The following RBFOX1 variants were observed in gnomAD, a reference collection of about 807,000 sequenced individuals.
RBFOX1 encodes the protein RNA binding fox-1 homolog 1, also known as RNA binding protein fox-1 homolog 1.
A neutral mutation model predicts 57.7 loss-of-function variants in RBFOX1; 8 were observed. The observed-to-expected ratio is 0.14, with a 90% confidence interval of 0.08 to 0.25. RBFOX1 has a LOEUF of 0.25. Ranked by LOEUF, RBFOX1 falls within the 10% of genes least tolerant of loss-of-function variation. RBFOX1 has a pLI of 1.00. For missense variants in RBFOX1, 611 were observed against 548.5 expected, an observed-to-expected ratio of 1.11 and a Z score of -1.14; for synonymous variants, 326 against 222.4, an observed-to-expected ratio of 1.47 and a Z score of -4.15.
At chr16:7,162,242 C>G (rs758600232) in intron 4 of RBFOX1, among the ~76,000 whole-genome samples, 14 of 152,166 alleles carry the variant, frequency 9.2e-5, no homozygotes, top group Non-Finnish European at 2.1e-4. Flanking sequence ...TATCTGTCCA[C>G]TCATCCATCA....
At chr16:7,517,312 C>G (rs1314037233) in intron 4 of RBFOX1, among the ~76,000 whole-genome samples, 2 of 151,924 alleles carry the variant, frequency 1.3e-5, no homozygotes, top group Non-Finnish European at 1.5e-5. Flanking sequence ...AATTGTCACA[C>G]TGCCTGTTTT....
intron 2 of RBFOX1, among the ~76,000 whole-genome samples, chr16:6,413,216 G>A (rs1596840977): frequency 1.3e-5 from 2 of 151,948 alleles, no homozygotes; most frequent in East Asian, 1.9e-4. Context: ...AGACTTGGGC[G>A]GCTGAGGCAT....
chr16:6,781,943 G>T (rs67619419), intron 3 of RBFOX1, among the ~76,000 whole-genome samples: 49,428 of 151,950 alleles, frequency 0.33, 8,694 homozygotes, highest in East Asian at 0.42. Flanking sequence ...CTAGTTTTGG[G>T]TTTAGCCTGC....
intron 14 of RBFOX1, among the ~76,000 whole-genome samples, chr16:7,689,740 G>A (rs973882983): frequency 1.3e-5 from 2 of 152,002 alleles, no homozygotes; most frequent in African/African-American, 4.8e-5. Context: ...CCCAAGCAAG[G>A]ATGATCTTGA....
rs553182505 is a variant in RBFOX1, at chr16:5,547,870, C to T, written c.259-51032C>T. Among the ~76,000 whole-genome samples the T allele has an allele frequency of 9.9e-5, 15 of 152,018 alleles. No homozygotes were observed. In the South Asian group the frequency reaches 3.1e-3, roughly 32 times the overall value. ...TGGGTACACATGGACGTAAAGATGG[C>T]AACCATAGGCCAGGCACGGTGGCTC... On this transcript the variant is annotated intron_variant, in intron 2 of 2. Transcript: ENST00000585867.
At chr16:6,148,815 G>T (rs2096777495) in intron 1 of RBFOX1, among the ~76,000 whole-genome samples, 2 of 152,176 alleles carry the variant, frequency 1.3e-5, no homozygotes, top group African/African-American at 4.8e-5. Context: ...TTTCCCTAGA[G>T]ATTTGAAGTA....
chr16:5,564,335 ACT>A (rs1567234930), intron 2 of RBFOX1, among the ~76,000 whole-genome samples: 1 of 150,822 alleles, frequency 6.6e-6, no homozygotes, highest in African/African-American at 2.4e-5. Context: ...GAGTTTCTTT[ACT>A]CTTCTGTCAT....
intron 3 of RBFOX1, among the ~76,000 whole-genome samples, chr16:7,023,264 G>A (rs768355423): frequency 6.6e-6 from 1 of 151,916 alleles, no homozygotes; most frequent in Non-Finnish European, 1.5e-5. Context: ...ATTGCCTGAG[G>A]TCAGGAGTCC....
rs540079691 is a variant in RBFOX1, at chr16:6,139,517, C to A, written c.-127+119525C>A. Among the ~76,000 whole-genome samples the A allele has an allele frequency of 9.2e-5, 14 of 152,250 alleles. 1 individual carries two copies. Among genetic ancestry groups the A allele is most frequent in the African/African-American group, 3.1e-4 (13 of 41,534 alleles). On this transcript the variant is annotated intron_variant, in intron 1 of 15. Coordinates refer to ENST00000550418, the MANE Select transcript of RBFOX1 (RefSeq NM_018723.4). ...TGTGTTTGTATTTAAGATACTATTACCCTGCTCAATCCCAAGAGCCCACTG... is the reference window on the plus strand; with the variant it reads ...TGTGTTTGTATTTAAGATACTATTAACCTGCTCAATCCCAAGAGCCCACTG...
intron 3 of RBFOX1, among the ~76,000 whole-genome samples, chr16:5,727,412 T>G (rs2052192394): frequency 6.6e-6 from 1 of 152,252 alleles, no homozygotes; most frequent in South Asian, 2.1e-4. Flanking sequence ...TGTGATGCTC[T>G]GATGTACGTA....
chr16:5,894,182 T>C (rs1434940433), intron 4 of RBFOX1, among the ~76,000 whole-genome samples: 12 of 152,162 alleles, frequency 7.9e-5, no homozygotes, highest in Non-Finnish European at 1.5e-5. Context: ...GGTGTTCCCT[T>C]TCACACCACT....
intron 1 of RBFOX1, among the ~76,000 whole-genome samples, chr16:5,383,773 C>T (rs1003406679): frequency 3.9e-5 from 6 of 152,196 alleles, no homozygotes; most frequent in African/African-American, 1.4e-4. Context: ...AGAGATTGTA[C>T]TAGTCTGGGC....
At chr16:6,799,556 G>T (rs2084872447) in intron 3 of RBFOX1, among the ~76,000 whole-genome samples, 1 of 152,108 alleles carries the variant, frequency 6.6e-6, no homozygotes, top group Non-Finnish European at 1.5e-5. Context: ...TGAAGGTGTT[G>T]TCAGAGGAGA....
intron 4 of RBFOX1, among the ~76,000 whole-genome samples, chr16:5,871,109 C>T (rs992028320): frequency 6.6e-6 from 1 of 152,222 alleles, no homozygotes; most frequent in African/African-American, 2.4e-5. Context: ...ATTTTCATGG[C>T]ATATGCCACC....
chr16:5,906,148 A>T (rs1433648846), intron 4 of RBFOX1, among the ~76,000 whole-genome samples: 3 of 152,146 alleles, frequency 2.0e-5, no homozygotes, highest in African/African-American at 2.4e-5. Context: ...GGATTGAGTC[A>T]TGCCTCCCCC....
At chr16:6,736,861 G>C (rs2070474160) in intron 3 of RBFOX1, among the ~76,000 whole-genome samples, 1 of 152,186 alleles carries the variant, frequency 6.6e-6, no homozygotes, top group Non-Finnish European at 1.5e-5. Flanking sequence ...GGGATACCTA[G>C]AGTCTGAAGC....
Position 7,264,931 on chromosome 16 carries a change from A to G in RBFOX1, c.27+212833A>G, listed in dbSNP as rs539779270. On this transcript the variant is annotated intron_variant, in intron 4 of 15. Coordinates refer to ENST00000550418, the MANE Select transcript of RBFOX1 (RefSeq NM_018723.4). ...CCACAGAAAGATCCATCAGGCCAAGAGTCCAACACTTTCCATCTTCCATGA... is the reference window on the plus strand; with the variant it reads ...CCACAGAAAGATCCATCAGGCCAAGGGTCCAACACTTTCCATCTTCCATGA... 5.9e-5 allele frequency among the ~76,000 whole-genome samples: 9 copies of G among 152,330 alleles called. No individual in the cohort carries two copies. In the East Asian group the frequency reaches 1.5e-3, roughly 26 times the overall value.
intron 2 of RBFOX1, among the ~76,000 whole-genome samples, chr16:5,469,730 T>C (rs1418322630): frequency 6.6e-6 from 1 of 152,176 alleles, no homozygotes; most frequent in African/African-American, 2.4e-5. Context: ...TTTACCTCTT[T>C]TGGATATTTT....
chr16:6,982,583 C>A (rs1182551520), intron 3 of RBFOX1, among the ~76,000 whole-genome samples: 1 of 152,184 alleles, frequency 6.6e-6, no homozygotes, highest in African/African-American at 2.4e-5. Context: ...ATCATAGTTA[C>A]CATGAGTTGA....
Sources: allele counts gnomAD v4.1 joint callset (sites outside exome capture counted in the v4.1 genomes callset), GRCh38; gene constraint gnomAD v4.1.1; transcripts MANE v1.5; gene names NCBI Gene and HGNC (gene_info 2026-07-23, HGNC 2026-07-21).